The following NRCAM variants were observed in gnomAD, a reference collection of about 807,000 sequenced individuals.
NRCAM encodes the protein NgCAM-related cell adhesion molecule.
In NRCAM, 83 loss-of-function variants were observed where a neutral mutation model predicts 156.5. The ratio of observed to expected loss-of-function variants is 0.53; its 90% CI spans 0.44 to 0.64. NRCAM has a LOEUF of 0.64. Among genes scored for constraint, NRCAM ranks in the 30% least tolerant of loss-of-function variants. The pLI, the probability that NRCAM is intolerant of heterozygous loss-of-function variation, is 0.00. For missense variants in NRCAM, 1,417 were observed against 1,597.3 expected (o/e 0.89, Z 1.92); for synonymous variants, 538 against 563.9 (o/e 0.95, Z 0.65).
rs199871425 is a variant in NRCAM at position 108,209,450 on chromosome 7, A to G, written c.1046T>C (p.Ile349Thr). 1 of 1,603,588 alleles carries G rather than the reference A, an allele frequency of 6.2e-7. No homozygotes were observed. Among genetic ancestry groups the G allele is most frequent in the East Asian group, 2.3e-5 (1 of 44,344 alleles). The change falls in exon 12 of 33, where the codon ATC (isoleucine) becomes ACC (threonine). Residue 349 changes from isoleucine (I) to threonine (T), a missense_variant. Coordinates refer to ENST00000379028, the MANE Select transcript of NRCAM (RefSeq NM_001037132.4). ...AACTCTAACAGAAATGGTATGGTGGATGGCTCCTAATGCGTTTTTTGCTAT... is the reference window on the plus strand; with the variant it reads ...AACTCTAACAGAAATGGTATGGTGGGTGGCTCCTAATGCGTTTTTTGCTAT... ...QCIAKNALGA[I>T]HHTISVRVKA...
chr7:108,329,584 T>C (rs545926008), intron 2 of NRCAM, among the ~76,000 whole-genome samples: 1 of 152,252 alleles, frequency 6.6e-6, no homozygotes, highest in Non-Finnish European at 1.5e-5. Context: ...AAAACTGTTC[T>C]GCATTTATTA....
At chr7:108,204,769 C>A (rs932444739) in intron 13 of NRCAM, among the ~76,000 whole-genome samples, 1 of 152,084 alleles carries the variant, frequency 6.6e-6, no homozygotes, top group Non-Finnish European at 1.5e-5. Context: ...TCTCAGGGGG[C>A]CTTAAAGAAG....
chr7:108,200,275 C>T (rs1398113507), intron 13 of NRCAM, among the ~76,000 whole-genome samples: 2 of 152,154 alleles, frequency 1.3e-5, no homozygotes, highest in Non-Finnish European at 2.9e-5. Flanking sequence ...GTCATAATTC[C>T]TTCAACAGGG....
At chr7:108,340,314 T>C (rs2099261632) in intron 2 of NRCAM, among the ~76,000 whole-genome samples, 3 of 152,214 alleles carry the variant, frequency 2.0e-5, no homozygotes, top group African/African-American at 7.2e-5. Flanking sequence ...CATGTACCTT[T>C]TTCTCTCTCA....
At chr7:108,299,149 T>TAAA (rs751614501) in intron 3 of NRCAM, among the ~76,000 whole-genome samples, 6,677 of 79,918 alleles carry the variant, frequency 0.084, 321 homozygotes, top group East Asian at 0.16. Context: ...AAAAGAAAAG[T>TAAA]AAAAAAAAAA....
chr7:108,301,801 A>T (rs1013594037), intron 3 of NRCAM, among the ~76,000 whole-genome samples: 11 of 152,162 alleles, frequency 7.2e-5, no homozygotes, highest in African/African-American at 2.7e-4. Context: ...GGCATTTAAA[A>T]GTATGATTTG....
rs2039928404 is a variant in NRCAM, at chr7:108,148,755, A to G, written c.*1155T>C. 6.6e-6 allele frequency: 1 copy of G among 152,636 alleles called. No homozygotes were observed. The highest frequency in any genetic ancestry group is 1.5e-5 in the Non-Finnish European group (1 of 68,042). 9.5% of individuals were successfully genotyped at this position (152,636 alleles called of 1,614,324 possible). Reference sequence around the variant, plus strand: ...GCTGTTGTATGCTTTTAGTGTTGGAATAACTTAGTTTTAAAATTAATTTTC... The same window carrying G: ...GCTGTTGTATGCTTTTAGTGTTGGAGTAACTTAGTTTTAAAATTAATTTTC... On this transcript the variant is annotated 3_prime_UTR_variant, in exon 33 of 33. Transcript: ENST00000379028.
intron 2 of NRCAM, among the ~76,000 whole-genome samples, chr7:108,314,209 C>T (rs2098846430): frequency 6.6e-6 from 1 of 152,134 alleles, no homozygotes; most frequent in Non-Finnish European, 1.5e-5. Context: ...GCAAAGACCA[C>T]CAAAAGACTG....
chr7:108,423,258 A>C (rs538997665), intron 1 of NRCAM, among the ~76,000 whole-genome samples: 1 of 152,254 alleles, frequency 6.6e-6, no homozygotes, highest in Middle Eastern at 3.4e-3. Context: ...CAGGAAAGGA[A>C]GTAAATGAAA....
chr7:108,159,166 T>C (rs939829318), intron 32 of NRCAM: 18 of 523,354 alleles, frequency 3.4e-5, no homozygotes, highest in African/African-American at 1.7e-4. Flanking sequence ...TTAATGCTCA[T>C]AGTAGCATAT....
chr7:108,206,005 G>C (rs1446603408), intron 13 of NRCAM, among the ~76,000 whole-genome samples: 1 of 152,108 alleles, frequency 6.6e-6, no homozygotes, highest in Non-Finnish European at 1.5e-5. Flanking sequence ...CATTTCTCTG[G>C]ATCCTGATCC....
chr7:108,271,179 C>A (rs1467198944), intron 3 of NRCAM, among the ~76,000 whole-genome samples: 4 of 152,236 alleles, frequency 2.6e-5, no homozygotes, highest in Middle Eastern at 3.4e-3. Flanking sequence ...CAAACAGCTA[C>A]CAGCAAGAAG....
chr7:108,332,222 C>T (rs2099134135), intron 2 of NRCAM, among the ~76,000 whole-genome samples: 1 of 152,204 alleles, frequency 6.6e-6, no homozygotes. Flanking sequence ...GACTGACATC[C>T]TATTGCTTTT....
intron 32 of NRCAM, among the ~76,000 whole-genome samples, chr7:108,151,649 T>A (rs1019516774): frequency 6.6e-6 from 1 of 152,244 alleles, no homozygotes; most frequent in African/African-American, 2.4e-5. Flanking sequence ...CCACTGCTAA[T>A]AAACAACTGG....
intron 2 of NRCAM, among the ~76,000 whole-genome samples, chr7:108,386,110 T>C (rs1423078065): frequency 6.6e-6 from 1 of 151,972 alleles, no homozygotes; most frequent in African/African-American, 2.4e-5. Flanking sequence ...GAACTAGAAA[T>C]GAAAGGAAAA....
intron 1 of NRCAM, among the ~76,000 whole-genome samples, chr7:108,430,979 T>C (rs1278704138): frequency 6.6e-6 from 1 of 152,220 alleles, no homozygotes; most frequent in East Asian, 1.9e-4. Flanking sequence ...GCATGGATCA[T>C]TGAGGTGTCC....
intron 2 of NRCAM, among the ~76,000 whole-genome samples, chr7:108,393,460 C>G (rs570022389): frequency 6.6e-6 from 1 of 152,132 alleles, no homozygotes; most frequent in Non-Finnish European, 1.5e-5. Flanking sequence ...GGGAGTGACC[C>G]GATTTTCCAG....
At chr7:108,433,695 T>C (rs1313858177) in intron 1 of NRCAM, among the ~76,000 whole-genome samples, 1 of 152,168 alleles carries the variant, frequency 6.6e-6, no homozygotes, top group Non-Finnish European at 1.5e-5. Context: ...TCTCTGCACA[T>C]GGGAGCTCCC....
chr7:108,413,252 G>A (rs1001807012), intron 1 of NRCAM, among the ~76,000 whole-genome samples: 1 of 151,950 alleles, frequency 6.6e-6, no homozygotes, highest in African/African-American at 2.4e-5. Flanking sequence ...ATCTCACTGT[G>A]GTTTTAATTT....
Sources: allele counts gnomAD v4.1 joint callset (sites outside exome capture counted in the v4.1 genomes callset), GRCh38; gene constraint gnomAD v4.1.1; transcripts MANE v1.5; gene names NCBI Gene and HGNC (gene_info 2026-07-23, HGNC 2026-07-21).